Variants in ABTB3 observed in about 807,000 individuals in gnomAD.
ABTB3 encodes ankyrin repeat- and BTB/POZ domain-containing protein 3.
the ABTB3 span, among the ~76,000 whole-genome samples, chr12:107,395,315 A>T: frequency 6.6e-6 from 1 of 152,140 alleles, no homozygotes; most frequent in Non-Finnish European, 1.5e-5. Context: ...ATCTCTGTCC[A>T]TGCTGATCTT....
chr12:107,395,200 T>C, the ABTB3 span, among the ~76,000 whole-genome samples: 52 of 152,380 alleles, frequency 3.4e-4, no homozygotes, highest in East Asian at 8.9e-3. Context: ...TTTCTTACAC[T>C]GGTGTTTCTG....
the ABTB3 span, among the ~76,000 whole-genome samples, chr12:107,608,048 G>T: frequency 6.6e-6 from 1 of 152,100 alleles, no homozygotes; most frequent in Admixed American, 6.5e-5. Flanking sequence ...CTTAGTTCCC[G>T]CCCTCGGAGT....
At chr12:107,500,823 C>T in the ABTB3 span, among the ~76,000 whole-genome samples, 3 of 152,334 alleles carry the variant, frequency 2.0e-5, no homozygotes, top group East Asian at 5.8e-4. Context: ...CAGCCTTGTT[C>T]ACTCTGTGCC....
the ABTB3 span, among the ~76,000 whole-genome samples, chr12:107,520,943 G>A: frequency 6.6e-5 from 10 of 152,002 alleles, no homozygotes; most frequent in Middle Eastern, 3.2e-3. Flanking sequence ...GTGTAGTTGC[G>A]GTGATTCAAT....
At chr12:107,543,533 G>T in the ABTB3 span, among the ~76,000 whole-genome samples, 48 of 152,098 alleles carry the variant, frequency 3.2e-4, no homozygotes, top group African/African-American at 1.1e-3. Context: ...TATGTACAAG[G>T]CTCAGGGGCA....
the ABTB3 span, among the ~76,000 whole-genome samples, chr12:107,538,615 T>A: frequency 6.6e-6 from 1 of 152,210 alleles, no homozygotes; most frequent in Non-Finnish European, 1.5e-5. Context: ...CTTCCAGGCC[T>A]CCGTTGTTGT....
chr12:107,447,427 C>T, the ABTB3 span, among the ~76,000 whole-genome samples: 66 of 152,302 alleles, frequency 4.3e-4, no homozygotes, highest in South Asian at 1.0e-3. Flanking sequence ...CAGGCTTGAG[C>T]TACCTTGCCT....
the ABTB3 span, among the ~76,000 whole-genome samples, chr12:107,495,229 G>A: frequency 1.3e-5 from 2 of 152,188 alleles, no homozygotes; most frequent in South Asian, 2.1e-4. Flanking sequence ...CCTTAGCATC[G>A]TCTCCTGCCA....
chr12:107,548,188 C>T, the ABTB3 span, among the ~76,000 whole-genome samples: 2 of 97,694 alleles, frequency 2.0e-5, no homozygotes, highest in African/African-American at 8.8e-5. Context: ...CTCCTCTCTC[C>T]TGTGTTCTTT....
At chr12:107,432,685 A>G in the ABTB3 span, among the ~76,000 whole-genome samples, 1 of 152,116 alleles carries the variant, frequency 6.6e-6, no homozygotes, top group Non-Finnish European at 1.5e-5. Context: ...GTGCAGGTCA[A>G]GAAGAACAAG....
the ABTB3 span, among the ~76,000 whole-genome samples, chr12:107,400,827 T>G: frequency 6.6e-6 from 1 of 152,146 alleles, no homozygotes; most frequent in South Asian, 2.1e-4. Flanking sequence ...TTCGCTGGTT[T>G]GTACAAGCAG....
chr12:107,514,942 T>C, the ABTB3 span, among the ~76,000 whole-genome samples: 10 of 152,316 alleles, frequency 6.6e-5, no homozygotes, highest in African/African-American at 2.4e-4. Context: ...GACTTTCCTC[T>C]CAGTTAACAT....
the ABTB3 span, among the ~76,000 whole-genome samples, chr12:107,651,152 T>A: frequency 1.4e-4 from 21 of 152,004 alleles, no homozygotes; most frequent in Non-Finnish European, 2.6e-4. Flanking sequence ...ACAGCAGCGA[T>A]GAAAACCGAC....
chr12:107,425,004 C>T, the ABTB3 span, among the ~76,000 whole-genome samples: 8 of 152,208 alleles, frequency 5.3e-5, no homozygotes, highest in African/African-American at 9.7e-5. Flanking sequence ...GTCCATGCTG[C>T]GGACACAACA....
the ABTB3 span, among the ~76,000 whole-genome samples, chr12:107,441,463 G>A: frequency 6.6e-6 from 1 of 152,164 alleles, no homozygotes; most frequent in African/African-American, 2.4e-5. Flanking sequence ...CCTATTGGGA[G>A]ATGTGGTGTG....
the ABTB3 span, among the ~76,000 whole-genome samples, chr12:107,556,231 A>C: frequency 2.0e-5 from 3 of 151,892 alleles, no homozygotes; most frequent in Non-Finnish European, 4.4e-5. Flanking sequence ...AGTAGCTGGG[A>C]TTACAGGCAT....
At chr12:107,388,737 G>A in the ABTB3 span, among the ~76,000 whole-genome samples, 1 of 152,154 alleles carries the variant, frequency 6.6e-6, no homozygotes, top group Non-Finnish European at 1.5e-5. Context: ...TTGCTTCCCT[G>A]CCCTTTGTAT....
the ABTB3 span, among the ~76,000 whole-genome samples, chr12:107,341,850 C>T: frequency 6.6e-6 from 1 of 152,070 alleles, no homozygotes; most frequent in East Asian, 1.9e-4. Flanking sequence ...GGGTGTGGCA[C>T]CTCCCTCCTC....
chr12:107,319,304 G>A, the ABTB3 span: 2 of 1,543,800 alleles, frequency 1.3e-6, no homozygotes, highest in South Asian at 1.2e-5. Context: ...GGCGGTCCCC[G>A]GCGGCCTGCC....
Sources: gnomAD v4.1 joint callset for allele counts (sites outside exome capture counted in the v4.1 genomes callset) on GRCh38, gnomAD v4.1.1 for gene constraint, MANE v1.5 for transcripts, NCBI Gene and HGNC (gene_info 2026-07-23, HGNC 2026-07-21) for gene names.